The following ECD variants were observed in gnomAD, a reference collection of about 807,000 sequenced individuals.
ECD encodes the protein protein ecdysoneless homolog.
Under a neutral mutation model 77.2 loss-of-function variants are expected in ECD, and 59 were observed. The observed-to-expected ratio is 0.76, with a 90% confidence interval of 0.62 to 0.95. The LOEUF is 0.95. Ranked by LOEUF, ECD falls within the 40% of genes least tolerant of loss-of-function variation. The pLI is 0.00. For synonymous variants in ECD, 233 were observed against 267.4 expected, an observed-to-expected ratio of 0.87 and a Z score of 1.26; for missense variants, 704 against 763.4, an observed-to-expected ratio of 0.92 and a Z score of 0.92.
At chr10:73,162,226 G>A (rs1156992973) in intron 2 of ECD, among the ~76,000 whole-genome samples, 1 of 152,164 alleles carries the variant, frequency 6.6e-6, no homozygotes, top group African/African-American at 2.4e-5. Flanking sequence ...AAGTTAGGAG[G>A]CTGTTGTTGT....
At chr10:73,161,835 C>T (rs750505135) in intron 2 of ECD, among the ~76,000 whole-genome samples, 5 of 152,156 alleles carry the variant, frequency 3.3e-5, no homozygotes, top group African/African-American at 9.7e-5. Flanking sequence ...TTATTCACCA[C>T]GACCAAGCGA....
rs1160056261 is a variant in ECD, at chr10:73,160,477, C to T, written c.280G>A (p.Val94Ile). 1.9e-6 allele frequency: 3 copies of T among 1,610,452 alleles called. No homozygotes were observed. The highest frequency in any genetic ancestry group is 4.5e-5 in the East Asian group (2 of 44,750). ...NIEDEWFIVY[V>I]IKQITKEFPE... ...AATTCCTTTGTGATCTGCTTTATTA[C>T]ATAAACAATAAACCATTCATCCTCA... The change falls in exon 3 of 14, where the codon GTA becomes ATA. Residue 94 changes from valine to isoleucine, a missense_variant. Transcript: ENST00000372979.
intron 13 of ECD, among the ~76,000 whole-genome samples, chr10:73,135,346 C>T (rs987219953): frequency 2.6e-5 from 4 of 152,054 alleles, no homozygotes; most frequent in Admixed American, 6.5e-5. Flanking sequence ...GATTACAGCT[C>T]GATAGACTTT....
At chr10:73,161,578 G>C (rs1367101164) in intron 2 of ECD, among the ~76,000 whole-genome samples, 1 of 152,094 alleles carries the variant, frequency 6.6e-6, no homozygotes, top group East Asian at 1.9e-4. Flanking sequence ...TCCTAACAAA[G>C]AAAAGCTGGC....
intron 8 of ECD, among the ~76,000 whole-genome samples, 185 bp from the exon 9 acceptor site, chr10:73,146,546 C>A (rs7907180): frequency 0.048 from 7,302 of 152,144 alleles, 552 homozygotes; most frequent in African/African-American, 0.16. Context: ...AATGAGGGGA[C>A]GCGGCTAGAT....
chr10:73,146,944 T>A (rs933657878), intron 8 of ECD, among the ~76,000 whole-genome samples: 5 of 152,254 alleles, frequency 3.3e-5, no homozygotes, highest in African/African-American at 1.2e-4. Context: ...TTACATTTTT[T>A]AAGAATATAC....
At chr10:73,142,008 T>G (rs867769111) in intron 9 of ECD, among the ~76,000 whole-genome samples, 2 of 152,168 alleles carry the variant, frequency 1.3e-5, no homozygotes, top group African/African-American at 4.8e-5. Flanking sequence ...TAGGCTAGAG[T>G]GCGTGGCATG....
intron 6 of ECD, among the ~76,000 whole-genome samples, 179 bp from the exon 7 acceptor site, chr10:73,152,600 C>T (rs1043330012): frequency 2.6e-5 from 4 of 152,132 alleles, no homozygotes; most frequent in African/African-American, 9.7e-5. Context: ...TGAGATACAA[C>T]TCACATACCA....
At position 73,144,890 on chromosome 10, in the gene ECD, A is replaced by T. The variant is rs539505985; in HGVS notation, c.1127+1386T>A. Among the ~76,000 whole-genome samples the T allele has an allele frequency of 2.0e-5, 3 of 152,256 alleles. No individual in the cohort carries two copies. In the East Asian group the frequency reaches 5.8e-4, roughly 29 times the overall value. Reference sequence around the variant, plus strand: ...TTTATTATATAGTTCCAAATACCTTAAAAAAATGGAATAACTAAAAATATT... The same window carrying T: ...TTTATTATATAGTTCCAAATACCTTTAAAAAATGGAATAACTAAAAATATT... On this transcript the variant is annotated intron_variant, in intron 9 of 13. Transcript: ENST00000372979.
At chr10:73,139,233 A>T in intron 11 of ECD, 76 bp downstream of exon 11, 3 of 1,360,718 alleles carry the variant, frequency 2.2e-6, no homozygotes, top group African/African-American at 1.5e-5. Context: ...AAAAAAAAAA[A>T]GTGGAAATGG....
intron 6 of ECD, among the ~76,000 whole-genome samples, chr10:73,152,965 C>T (rs1217914556): frequency 6.6e-6 from 1 of 151,748 alleles, no homozygotes; most frequent in African/African-American, 2.4e-5. Context: ...TAGTAAAATT[C>T]TTATCATTAG....
chr10:73,153,004 A>G (rs568036564), intron 6 of ECD, among the ~76,000 whole-genome samples: 64 of 152,082 alleles, frequency 4.2e-4, no homozygotes, highest in African/African-American at 1.5e-3. Context: ...AAATGGCTGG[A>G]AGATAAAGAT....
chr10:73,147,592 T>C (rs1230741046), intron 8 of ECD, among the ~76,000 whole-genome samples: 1 of 152,160 alleles, frequency 6.6e-6, no homozygotes, highest in Non-Finnish European at 1.5e-5. Flanking sequence ...ATATCATTAG[T>C]ACTTTTCGTA....
intron 8 of ECD, among the ~76,000 whole-genome samples, chr10:73,146,749 C>T (rs1843134250): frequency 6.6e-6 from 1 of 151,630 alleles, no homozygotes; most frequent in Non-Finnish European, 1.5e-5. Flanking sequence ...CCAGCCTGGG[C>T]AACATGGTGA....
intron 8 of ECD, 135 bp from the exon 9 acceptor site, chr10:73,146,496 T>C (rs1843130593): frequency 4.4e-6 from 2 of 452,892 alleles, no homozygotes; most frequent in Admixed American, 7.0e-5. Flanking sequence ...CTAGGCCCTG[T>C]TTTATCATTA....
At position 73,139,639 on chromosome 10, in the gene ECD, G is replaced by A. The variant is rs1232126927; in HGVS notation, c.1226C>T (p.Pro409Leu). 1 of 1,607,504 alleles carries A rather than the reference G, an allele frequency of 6.2e-7. No individual in the cohort carries two copies. The highest frequency in any genetic ancestry group is 1.7e-5 in the Admixed American group (1 of 58,648). The change falls in exon 10 of 14, where the codon CCA becomes CTA. Residue 409 changes from proline to leucine, a missense_variant. By Grantham distance (98) the Pro-to-Leu change is moderately conservative. Around this residue, in one of 3 missense-constraint regions of ECD, gnomAD observed 559 missense variants for 583.7 expected, o/e 0.96. Transcript: ENST00000372979. ...DLKKEAANLP[P>L]EDDDQWLDLS... ...CCTGGTCCATCACTTACCATCCTCT[G>A]GGGGAAGATTAGCTGCTTCTTTCTT...
At chr10:73,154,211 C>A (rs761555131) in intron 6 of ECD, 45 bp downstream of exon 6, 2 of 1,520,092 alleles carry the variant, frequency 1.3e-6, no homozygotes, top group East Asian at 2.3e-5. Flanking sequence ...TGTTTCAACT[C>A]GGTTTCCAGT....
At chr10:73,161,070 T>C (rs889833115) in intron 2 of ECD, among the ~76,000 whole-genome samples, 1 of 151,774 alleles carries the variant, frequency 6.6e-6, no homozygotes, top group Non-Finnish European at 1.5e-5. Context: ...TGAAAATGAA[T>C]GCACATCATA....
intron 13 of ECD, among the ~76,000 whole-genome samples, chr10:73,135,513 G>GGTCAGGAC (rs1172687710): frequency 6.6e-6 from 1 of 152,064 alleles, no homozygotes; most frequent in African/African-American, 2.4e-5. Context: ...GAGGTCAGGA[G>GGTCAGGAC]CTCCAGAGAC....
Sources: gnomAD v4.1 joint callset for allele counts (sites outside exome capture counted in the v4.1 genomes callset) on GRCh38, gnomAD v4.1.1 for gene constraint, gnomAD v4.1.1 regional missense constraint, MANE v1.5 for transcripts, NCBI Gene and HGNC (gene_info 2026-07-23, HGNC 2026-07-21) for gene names.